Variants in CMTM8 observed in about 807,000 individuals in gnomAD.
CMTM8 encodes the protein CKLF like MARVEL transmembrane domain containing 8, also known as CKLF-like MARVEL transmembrane domain-containing protein 8.
CMTM8 carries 12 observed loss-of-function variants against 18.6 expected under a neutral mutation model. The ratio of observed to expected loss-of-function variants is 0.65; its 90% confidence interval spans 0.41 to 1.05. The LOEUF (loss-of-function observed/expected upper bound fraction) is 1.05. CMTM8 is among the 50% of genes least tolerant of loss of function. The pLI, the probability that CMTM8 is intolerant of heterozygous loss-of-function variation, is 0.00. For synonymous variants in CMTM8, 87 were observed against 90.6 expected, an observed-to-expected ratio of 0.96 and a Z score of 0.23; for missense variants, 217 against 227.2, an observed-to-expected ratio of 0.95 and a Z score of 0.29.
At chr3:32,357,282 A>G (rs776925894) in intron 1 of CMTM8, 91 bp from the exon 2 acceptor site, 67 of 920,502 alleles carry the variant, frequency 7.3e-5, no homozygotes, top group Non-Finnish European at 1.0e-4. Context: ...GACATTCTGT[A>G]TAATTATTTT....
chr3:32,296,488 G>A (rs949093436), intron 1 of CMTM8, among the ~76,000 whole-genome samples: 2 of 152,180 alleles, frequency 1.3e-5, no homozygotes, highest in African/African-American at 4.8e-5. Flanking sequence ...ACTGGGGCCA[G>A]CCCAGTCGGA....
intron 1 of CMTM8, among the ~76,000 whole-genome samples, chr3:32,261,516 T>C (rs940521280): frequency 1.6e-4 from 24 of 152,212 alleles, no homozygotes; most frequent in Admixed American, 1.6e-3. Flanking sequence ...GGGTTAAATC[T>C]AAAATTTGAC....
intron 1 of CMTM8, chr3:32,259,412 C>T: frequency 4.6e-6 from 4 of 863,946 alleles, no homozygotes; most frequent in Non-Finnish European, 6.0e-6. Context: ...CAATGCCTGT[C>T]TTGCTGCTGA....
chr3:32,253,539 G>A (rs1009136296), intron 1 of CMTM8, among the ~76,000 whole-genome samples: 2 of 151,650 alleles, frequency 1.3e-5, no homozygotes, highest in Non-Finnish European at 2.9e-5. Context: ...TTTTAGTAGC[G>A]ACAGGGTTTC....
intron 2 of CMTM8, among the ~76,000 whole-genome samples, chr3:32,367,157 C>T (rs977128750): frequency 4.6e-5 from 7 of 152,168 alleles, no homozygotes; most frequent in African/African-American, 1.7e-4. Flanking sequence ...TCACCTCACC[C>T]CTGCCTCTCC....
intron 2 of CMTM8, among the ~76,000 whole-genome samples, chr3:32,362,107 C>T (rs767689026): frequency 2.3e-4 from 29 of 125,978 alleles, no homozygotes; most frequent in South Asian, 2.6e-4. Context: ...GTGGTGCAAT[C>T]TCGGCTCACT....
At chr3:32,353,282 C>T (rs1696750080) in intron 1 of CMTM8, among the ~76,000 whole-genome samples, 1 of 152,206 alleles carries the variant, frequency 6.6e-6, no homozygotes, top group South Asian at 2.1e-4. Context: ...GCGTGAGCAG[C>T]TGTGCCTGGT....
Position 32,319,074 on chromosome 3 carries a change from A to ATATATATATATTT in CMTM8, c.148-38298_148-38297insATATATATATTTT. ...TGTATATACATATATATATATATAT[A>ATATATATATATTT]TTTTTTTTTTTTTTTTTTTTTGAGA... is the stretch of plus-strand genomic sequence containing the variant. On this transcript the variant is annotated intron_variant, in intron 1 of 3. Coordinates refer to ENST00000307526, the MANE Select transcript of CMTM8 (RefSeq NM_178868.5). Among the ~76,000 whole-genome samples the ATATATATATATTT allele has an allele frequency of 1.0e-3, 32 of 31,524 alleles. 1 individual carries two copies. The highest frequency in any genetic ancestry group is 1.4e-3 in the South Asian group (1 of 738). The allele number at this position is 31,524 out of a possible 152,430, so 20.7% of individuals were successfully genotyped here.
At chr3:32,272,242 A>T (rs1404670825) in intron 1 of CMTM8, among the ~76,000 whole-genome samples, 1 of 152,148 alleles carries the variant, frequency 6.6e-6, no homozygotes, top group Non-Finnish European at 1.5e-5. Context: ...TAGCTTTAAA[A>T]ATTTTTTGTC....
intron 1 of CMTM8, among the ~76,000 whole-genome samples, chr3:32,263,784 C>T (rs1329255287): frequency 1.1e-4 from 17 of 152,120 alleles, no homozygotes; most frequent in African/African-American, 3.9e-4. Flanking sequence ...AACCACGGCA[C>T]GAGAACTACG....
intron 1 of CMTM8, among the ~76,000 whole-genome samples, chr3:32,304,082 A>G (rs1695677156): frequency 6.6e-6 from 1 of 152,204 alleles, no homozygotes; most frequent in African/African-American, 2.4e-5. Context: ...CCTTTAATCT[A>G]GAAAAATCCT....
intron 1 of CMTM8, among the ~76,000 whole-genome samples, chr3:32,308,861 A>C (rs1181523538): frequency 7.2e-5 from 11 of 152,232 alleles, no homozygotes; most frequent in Non-Finnish European, 1.3e-4. Flanking sequence ...CCTAAGGTTC[A>C]AAACTCAGAA....
chr3:32,305,056 G>A (rs1655690430), intron 1 of CMTM8, among the ~76,000 whole-genome samples: 1 of 152,118 alleles, frequency 6.6e-6, no homozygotes, highest in South Asian at 2.1e-4. Context: ...CCCTTGGGCG[G>A]CATTAGGTAG....
At chr3:32,313,458 A>T (rs1695860768) in intron 1 of CMTM8, among the ~76,000 whole-genome samples, 2 of 152,188 alleles carry the variant, frequency 1.3e-5, no homozygotes, top group South Asian at 2.1e-4. Context: ...TCATGCCACT[A>T]TGCCCGGCTA....
intron 1 of CMTM8, among the ~76,000 whole-genome samples, chr3:32,253,907 G>A (rs1702145136): frequency 6.6e-6 from 1 of 151,174 alleles, no homozygotes; most frequent in Non-Finnish European, 1.5e-5. Context: ...TTTTTTCAGG[G>A]GGGAGGATGG....
chr3:32,316,943 C>G (rs1343683290), intron 1 of CMTM8, among the ~76,000 whole-genome samples: 2 of 152,180 alleles, frequency 1.3e-5, no homozygotes, highest in African/African-American at 4.8e-5. Flanking sequence ...AAATGCAGGA[C>G]AAGCCAGCGT....
intron 1 of CMTM8, among the ~76,000 whole-genome samples, chr3:32,295,482 A>AAAAAAAAAAAAAAAAAAAAAAAAAAAAG (rs1702862309): frequency 8.5e-6 from 1 of 117,514 alleles, no homozygotes. Flanking sequence ...AAAAAAACAA[A>AAAAAAAAAAAAAAAAAAAAAAAAAAAAG]ACAAAACAGC....
chr3:32,364,054 C>T lies in CMTM8; in HGVS notation c.322-3818C>T, dbSNP rs186555210. On this transcript the variant is annotated intron_variant, in intron 2 of 3. Transcript: ENST00000307526. ...CCAGAAAGGCAAGCCGCAGGTGAAG[C>T]GGACATCCCTACCACCCTTAAGAAA... Among the ~76,000 whole-genome samples, 37 of 152,296 alleles carry T rather than the reference C, an allele frequency of 2.4e-4. 1 individual carries two copies. The highest frequency in any genetic ancestry group is 8.2e-4 in the African/African-American group (34 of 41,570).
chr3:32,329,482 A>G (rs1696229684), intron 1 of CMTM8, among the ~76,000 whole-genome samples: 2 of 152,228 alleles, frequency 1.3e-5, no homozygotes, highest in South Asian at 2.1e-4. Flanking sequence ...ATGAAGACTG[A>G]TGTAATACAC....
Sources: gnomAD v4.1 joint callset for allele counts (sites outside exome capture counted in the v4.1 genomes callset) on GRCh38, gnomAD v4.1.1 for gene constraint, MANE v1.5 for transcripts, NCBI Gene and HGNC (gene_info 2026-07-23, HGNC 2026-07-21) for gene names.